Variants in MYO9B observed in about 807,000 individuals in gnomAD.
MYO9B encodes the protein myosin IXB, also known as unconventional myosin-IXb.
A neutral mutation model predicts 229.5 loss-of-function variants in MYO9B; 71 were observed. The observed-to-expected ratio is 0.31, with a 90% CI of 0.26 to 0.38. MYO9B has a LOEUF of 0.38. MYO9B is among the 10% of genes least tolerant of loss of function. The probability of loss-of-function intolerance (pLI) is 1.00; values close to 1 mark genes in which losing one functional copy is unlikely to be tolerated. For missense variants in MYO9B, 2,255 were observed against 2,920.5 expected (o/e 0.77, Z 5.25); for synonymous variants, 1,185 against 1,235.8 (o/e 0.96, Z 0.86).
At chr19:17,197,880 C>A (rs1480243439) in intron 23 of MYO9B, 22 bp downstream of exon 23, 1 of 1,611,490 alleles carries the variant, frequency 6.2e-7, no homozygotes, top group South Asian at 1.1e-5. Context: ...ACGGCAAAAC[C>A]CCGTCTCCAC....
chr19:17,157,315 G>A (rs185075697), intron 7 of MYO9B: 25 of 338,304 alleles, frequency 7.4e-5, no homozygotes, highest in Middle Eastern at 9.4e-4. Flanking sequence ...AGTACTTTGG[G>A]AGGCCAAGGT....
Position 17,183,921 on chromosome 19 carries a change from T to C in MYO9B, c.2373+53T>C, listed in dbSNP as rs375028292. The C allele has an allele frequency of 1.8e-4, 270 of 1,503,376 alleles. 1 individual carries two copies. In the African/African-American group the frequency reaches 3.2e-3, roughly 18 times the overall value. The allele number at this position is 1,503,376 out of a possible 1,614,324, so 93.1% of individuals were successfully genotyped here. ...CACGTTCCAAGATATCTTGCTTCTC[T>C]GCCCGTCTTGAGAGCTTTCACTTCT... On this transcript the variant is annotated intron_variant, in intron 16 of 39. Coordinates refer to ENST00000682292, the MANE Select transcript of MYO9B (RefSeq NM_004145.4).
intron 2 of MYO9B, among the ~76,000 whole-genome samples, chr19:17,131,970 C>A (rs941065520): frequency 2.0e-5 from 3 of 151,966 alleles, no homozygotes; most frequent in African/African-American, 7.2e-5. Flanking sequence ...GCCTCAACCT[C>A]CTGGGCTCAA....
At position 17,210,811 on chromosome 19, in the gene MYO9B, A is replaced by C. The variant is rs2073218938; in HGVS notation, c.5893A>C (p.Ile1965Leu). Residue 1965 changes from isoleucine (I) to leucine (L), a missense_variant, in exon 38 of 40, where the codon ATT becomes CTT. By Grantham distance (5) the Ile-to-Leu change is conservative. Coordinates refer to ENST00000682292, the MANE Select transcript of MYO9B (RefSeq NM_004145.4). Reference protein sequence around the residue: ...AGGDEDREKEILIERIQSIKE... With the variant: ...AGGDEDREKELLIERIQSIKE... ...CGGCGATGAGGACCGGGAAAAGGAG[A>C]TTCTCATTGAACGGATCCAGTCCAT... The C allele has an allele frequency of 6.3e-7, 1 of 1,597,558 alleles. No individual in the cohort carries two copies. Among genetic ancestry groups the C allele is most frequent in the African/African-American group, 1.3e-5 (1 of 74,498 alleles).
chr19:17,206,351 G>A lies in MYO9B; in HGVS notation c.5361G>A (p.Gln1787=), dbSNP rs1428275979. ...ELPEPLMTFA[Q]YGDFLRAVEL... Reference sequence around the variant, plus strand: ...CCGAGCCCCTCATGACCTTCGCACAGTACGGCGACTTCCTCCGAGCCGTCG... The same window carrying A: ...CCGAGCCCCTCATGACCTTCGCACAATACGGCGACTTCCTCCGAGCCGTCG... Residue 1787 remains glutamine, a synonymous_variant, in exon 33 of 40, where the codon CAG becomes CAA. Coordinates refer to ENST00000682292, the MANE Select transcript of MYO9B (RefSeq NM_004145.4). The A allele has an allele frequency of 6.2e-7, 1 of 1,610,596 alleles. No homozygotes were observed. Among genetic ancestry groups the A allele is most frequent in the African/African-American group, 1.3e-5 (1 of 74,896 alleles).
intron 13 of MYO9B, among the ~76,000 whole-genome samples, chr19:17,174,692 C>T (rs930246033): frequency 5.1e-4 from 78 of 151,944 alleles, no homozygotes; most frequent in Non-Finnish European, 1.6e-4. Context: ...CCCAACACTT[C>T]GGGAGACCGA....
chr19:17,124,622 A>C (rs1201183719), intron 2 of MYO9B, among the ~76,000 whole-genome samples: 2 of 151,706 alleles, frequency 1.3e-5, no homozygotes, highest in African/African-American at 2.4e-5. Flanking sequence ...AAATACAAAA[A>C]TTAGCCGGGC....
chr19:17,126,258 G>A (rs2058017652), intron 2 of MYO9B, among the ~76,000 whole-genome samples: 2 of 152,216 alleles, frequency 1.3e-5, no homozygotes, highest in East Asian at 1.9e-4. Context: ...CCTTGGGCAC[G>A]TGACCCTGTG....
In MYO9B at chr19:17,209,701, C is replaced by T; in HGVS notation, c.5740C>T (p.Gln1914Ter). The T allele has an allele frequency of 6.2e-7, 1 of 1,613,608 alleles. No individual in the cohort carries two copies. The highest frequency in any genetic ancestry group is 1.1e-5 in the South Asian group (1 of 91,040). Residue 1914 changes from glutamine to a stop codon, truncating the protein, a stop_gained, in exon 36 of 40, where the codon CAA becomes TAA. Transcript: ENST00000682292. LOFTEE classifies it high-confidence loss of function. Reference sequence around the variant, plus strand: ...CTTCCGCAGGCTTTCGCTCCTGCGACAAAATGCTGTGAGTACCGGTGATCG... The same window carrying T: ...CTTCCGCAGGCTTTCGCTCCTGCGATAAAATGCTGTGAGTACCGGTGATCG... ...IAFRRLSLLR[Q>*]NAPWPLKLGF...
At chr19:17,089,747 T>C (rs181074740) in intron 1 of MYO9B, among the ~76,000 whole-genome samples, 9 of 152,348 alleles carry the variant, frequency 5.9e-5, no homozygotes, top group Admixed American at 5.9e-4. Flanking sequence ...CATTTCTTTT[T>C]GCACCGCTCC....
chr19:17,157,158 C>CA, intron 7 of MYO9B, 120 bp downstream of exon 7: 1 of 1,244,980 alleles, frequency 8.0e-7, no homozygotes, highest in Non-Finnish European at 1.1e-6. Flanking sequence ...ACCAGGACCT[C>CA]ACGTCTTCCG....
intron 2 of MYO9B, among the ~76,000 whole-genome samples, chr19:17,112,376 T>C (rs2057855684): frequency 6.6e-6 from 1 of 152,192 alleles, no homozygotes; most frequent in Admixed American, 6.5e-5. Flanking sequence ...GACATCCATC[T>C]GCACGTTCTT....
At chr19:17,145,137 A>G (rs1238758565) in intron 2 of MYO9B, among the ~76,000 whole-genome samples, 1 of 151,788 alleles carries the variant, frequency 6.6e-6, no homozygotes, top group Non-Finnish European at 1.5e-5. Context: ...ATTAGCCAGC[A>G]TGGTAGCGCA....
intron 1 of MYO9B, among the ~76,000 whole-genome samples, chr19:17,092,990 G>T (rs2057653313): frequency 6.6e-6 from 1 of 152,150 alleles, no homozygotes; most frequent in Non-Finnish European, 1.5e-5. Flanking sequence ...GCAAGCACAT[G>T]GAAGTACATA....
intron 2 of MYO9B, among the ~76,000 whole-genome samples, chr19:17,119,162 A>G (rs2057936679): frequency 6.6e-6 from 1 of 152,194 alleles, no homozygotes; most frequent in Non-Finnish European, 1.5e-5. Context: ...CTCACGCCCC[A>G]GGGCCTTTGC....
intron 1 of MYO9B, among the ~76,000 whole-genome samples, chr19:17,093,735 C>T (rs1321930594): frequency 6.6e-6 from 1 of 151,548 alleles, no homozygotes; most frequent in African/African-American, 2.4e-5. Flanking sequence ...CCCTGTGGCC[C>T]AGGCTGCGGT....
intron 19 of MYO9B, among the ~76,000 whole-genome samples, chr19:17,190,841 C>T (rs549670925): frequency 6.6e-6 from 1 of 152,098 alleles, no homozygotes; most frequent in Admixed American, 6.5e-5. Context: ...GATGGGGTTT[C>T]ACCATGTTGG....
intron 36 of MYO9B, among the ~76,000 whole-genome samples, chr19:17,210,063 G>A (rs2073208694): frequency 6.6e-6 from 1 of 152,160 alleles, no homozygotes; most frequent in Non-Finnish European, 1.5e-5. Flanking sequence ...TCTAGGTGGG[G>A]CAGGTAGGGG....
In MYO9B at chr19:17,080,280, G is replaced by T. The variant is rs142477964; in HGVS notation, c.-59+4406G>T. ...TTGCTAGGGCTGCTGTAACAGAACCGCACGCTGGGTGGCCAGAACGACAGA... is the reference window on the plus strand; with the variant it reads ...TTGCTAGGGCTGCTGTAACAGAACCTCACGCTGGGTGGCCAGAACGACAGA... On this transcript the variant is annotated intron_variant, in intron 1 of 39. Coordinates refer to ENST00000682292, the MANE Select transcript of MYO9B (RefSeq NM_004145.4). 3.7e-3 allele frequency among the ~76,000 whole-genome samples: 571 copies of T among 152,274 alleles called. 2 individuals are homozygous for T. Among genetic ancestry groups the T allele is most frequent in the African/African-American group, 0.013 (531 of 41,556 alleles).
Sources: gnomAD v4.1 joint callset for allele counts (sites outside exome capture counted in the v4.1 genomes callset) on GRCh38, gnomAD v4.1.1 for gene constraint, MANE v1.5 for transcripts, NCBI Gene and HGNC (gene_info 2026-07-23, HGNC 2026-07-21) for gene names.